ZNF594: variants seen among roughly 807,000 people sequenced by gnomAD.
ZNF594 encodes zinc finger protein 594, also known as zinc finger protein HZF18.
For synonymous variants in ZNF594, 336 were observed against 309.4 expected (o/e 1.09, Z -0.90); for missense variants, 1,037 against 964.6 (o/e 1.08, Z -0.99).
At position 5,182,325 on chromosome 17, in the gene ZNF594, A is replaced by T; in HGVS notation, c.1932T>A (p.Arg644=). Residue 644 remains arginine, a synonymous_variant, in exon 2 of 2, where the codon CGT becomes CGA. Transcript: ENST00000575779. ...RGSSDLIKHH[R]IHTGEKPYEC... is the part of the protein sequence containing the mutation. ...CATAGGGTTTCTCTCCAGTATGAAT[A>T]CGATGGTGTTTAATAAGATCTGAGC... is the stretch of plus-strand genomic sequence containing the variant. The T allele has an allele frequency of 3.1e-6, 5 of 1,613,128 alleles. No homozygotes were observed. Among genetic ancestry groups the T allele is most frequent in the Non-Finnish European group, 4.2e-6 (5 of 1,179,860 alleles).
In ZNF594 at chr17:5,184,026, A is replaced by C; in HGVS notation, c.231T>G (p.Ile77Met). 6.2e-7 allele frequency: 1 copy of C among 1,614,144 alleles called. No individual in the cohort carries two copies. The highest frequency in any genetic ancestry group is 8.5e-7 in the Non-Finnish European group (1 of 1,180,018). The change falls in exon 2 of 2, where the codon ATT becomes ATG. Residue 77 changes from isoleucine (I) to methionine (M), a missense_variant. Ile to Met is a conservative substitution (Grantham distance 10, BLOSUM62 1). Transcript: ENST00000575779. ...REMHIIPQKA[I>M]VGEIGHGCNE... ...TACATCCATGGCCAATCTCTCCCACAATGGCTTTCTGGGGGATAATATGCA... is the reference window on the plus strand; with the variant it reads ...TACATCCATGGCCAATCTCTCCCACCATGGCTTTCTGGGGGATAATATGCA...
At position 5,181,566 on chromosome 17, in the gene ZNF594, T is replaced by C. The variant is rs1482020604; in HGVS notation, c.*267A>G. ...ACATTCCTTACATTCATAGGGTTTC[T>C]CACCACTATGAATTCTCCGACGTTG... On this transcript the variant is annotated 3_prime_UTR_variant, in exon 2 of 2. Coordinates refer to ENST00000575779, the MANE Select transcript of ZNF594 (RefSeq NM_032530.2). The C allele has an allele frequency of 1.6e-5, 26 of 1,613,708 alleles. No homozygotes were observed. Among genetic ancestry groups the C allele is most frequent in the Non-Finnish European group, 2.2e-5 (26 of 1,179,744 alleles).
intron 1 of ZNF594, among the ~76,000 whole-genome samples, chr17:5,190,369 G>GA (rs1464265520): frequency 1.3e-5 from 2 of 151,558 alleles, no homozygotes; most frequent in African/African-American, 4.8e-5. Flanking sequence ...TCTGTCTTAA[G>GA]AAAAAAAAGG....
At position 5,182,510 on chromosome 17, in the gene ZNF594, G is replaced by A; in HGVS notation, c.1747C>T (p.Leu583Phe). The A allele has an allele frequency of 2.5e-6, 4 of 1,614,010 alleles. No individual in the cohort carries two copies. The highest frequency in any genetic ancestry group is 3.4e-6 in the Non-Finnish European group (4 of 1,180,006). ...GTATGAGTTACCTGATGTCTGATGA[G>A]GTCTGAGCTGCCCTGGAAAGCCCTA... ...CGRAFQGSSD[L>F]IRHQVTHTRE... Residue 583 changes from leucine to phenylalanine, a missense_variant, in exon 2 of 2, where the codon CTC becomes TTC. Coordinates refer to ENST00000575779, the MANE Select transcript of ZNF594 (RefSeq NM_032530.2).
In ZNF594 at chr17:5,184,216, T is replaced by C. The variant is rs1302735937; in HGVS notation, c.41A>G (p.Lys14Arg). The change falls in exon 2 of 2, where the codon AAG (lysine) becomes AGG (arginine). Residue 14 changes from lysine to arginine, a missense_variant. Lys to Arg is a conservative substitution (Grantham distance 26). Coordinates refer to ENST00000575779, the MANE Select transcript of ZNF594 (RefSeq NM_032530.2). Reference sequence around the variant, plus strand: ...TTCGGATGCAGCCCTTGCTGACTTCTTTTCTTCAGAAATTTCCATCTTTGA... The same window carrying C: ...TTCGGATGCAGCCCTTGCTGACTTCCTTTCTTCAGAAATTTCCATCTTTGA... ...WKSKMEISEE[K>R]KSARAASEKL... is the part of the protein sequence containing the mutation. 1 of 1,613,198 alleles carries C rather than the reference T, an allele frequency of 6.2e-7. No homozygotes were observed. Among genetic ancestry groups the C allele is most frequent in the Admixed American group, 1.7e-5 (1 of 59,796 alleles).
At chr17:5,190,476 G>C (rs2074414742) in intron 1 of ZNF594, among the ~76,000 whole-genome samples, 1 of 152,188 alleles carries the variant, frequency 6.6e-6, no homozygotes, top group African/African-American at 2.4e-5. Flanking sequence ...TTTAACTTAA[G>C]AAATGCCACT....
At position 5,181,944 on chromosome 17, in the gene ZNF594, C is replaced by T. The variant is rs772863436; in HGVS notation, c.2313G>A (p.Gln771=). Residue 771 remains glutamine, a synonymous_variant, in exon 2 of 2, where the codon CAG becomes CAA. Transcript: ENST00000575779. ...GATGTCTGATGAGATCTGAGCTGCCCTGGAAGGTCCTACTACACTGATTAC... is the reference window on the plus strand; with the variant it reads ...GATGTCTGATGAGATCTGAGCTGCCTTGGAAGGTCCTACTACACTGATTAC... ...YWCNQCSRTF[Q]GSSDLIRHQV... The T allele has an allele frequency of 8.7e-6, 14 of 1,613,722 alleles. No individual in the cohort carries two copies. In the South Asian group the frequency reaches 1.3e-4, roughly 15 times the overall value.
At chr17:5,176,658 G>A (rs1032466746), downstream of ZNF594, among the ~76,000 whole-genome samples, 2 of 151,848 alleles carry the variant, frequency 1.3e-5, no homozygotes, top group African/African-American at 4.8e-5. Flanking sequence ...GGTCAATGCG[G>A]CTGCAGACAC....
rs2074354200 is a variant in ZNF594, at chr17:5,182,730, A to G, written c.1527T>C (p.Ile509=). 6.2e-7 allele frequency: 1 copy of G among 1,613,626 alleles called. No homozygotes were observed. The highest frequency in any genetic ancestry group is 2.2e-5 in the East Asian group (1 of 44,816). The change falls in exon 2 of 2, where the codon ATT becomes ATC. Residue 509 remains isoleucine, a synonymous_variant. Coordinates refer to ENST00000575779, the MANE Select transcript of ZNF594 (RefSeq NM_032530.2). ...RRSLLIQHRR[I]HSGEKPYECK... ...ATTCATAGGGTTTCTCACCACTATG[A>G]ATTCTCCGATGTTGAATAAGGAGTG... is the stretch of plus-strand genomic sequence containing the variant.
chr17:5,177,135 G>T (rs1425862881), downstream of ZNF594, among the ~76,000 whole-genome samples: 3 of 151,238 alleles, frequency 2.0e-5, no homozygotes, highest in African/African-American at 7.3e-5. Flanking sequence ...GGCGGCGCTT[G>T]CAGTGAGCCG....
Position 5,185,244 on chromosome 17 carries a change from C to G in ZNF594, c.-20-968G>C, listed in dbSNP as rs1295964339. ...AGAAAAAGAGGTTTAGTTGGACTTA[C>G]AGTTCCACATGGCTGGGAAGGCCTC... On this transcript the variant is annotated intron_variant, in intron 1 of 1. Coordinates refer to ENST00000575779, the MANE Select transcript of ZNF594 (RefSeq NM_032530.2). 2.0e-5 allele frequency among the ~76,000 whole-genome samples: 3 copies of G among 152,166 alleles called. No homozygotes were observed. The East Asian group carries it at 5.8e-4, about 29-fold the overall frequency.
chr17:5,181,378 T>C lies in ZNF594; in HGVS notation c.*455A>G. Reference sequence around the variant, plus strand: ...AGGTCTGAGCTGCCCTGGAAAGCCCTACCACACTGATTACACCAATAAGCT... The same window carrying C: ...AGGTCTGAGCTGCCCTGGAAAGCCCCACCACACTGATTACACCAATAAGCT... On this transcript the variant is annotated 3_prime_UTR_variant, in exon 2 of 2. Coordinates refer to ENST00000575779, the MANE Select transcript of ZNF594 (RefSeq NM_032530.2). The C allele has an allele frequency of 6.2e-7, 1 of 1,613,082 alleles. No individual in the cohort carries two copies. The highest frequency in any genetic ancestry group is 8.5e-7 in the Non-Finnish European group (1 of 1,179,086).
chr17:5,188,380 G>A lies in ZNF594; in HGVS notation c.-21+3368C>T, dbSNP rs530425948. Among the ~76,000 whole-genome samples the A allele has an allele frequency of 2.4e-3, 362 of 151,548 alleles. 1 individual carries two copies. Among genetic ancestry groups the A allele is most frequent in the African/African-American group, 8.3e-3 (343 of 41,278 alleles). On this transcript the variant is annotated intron_variant, in intron 1 of 1. Coordinates refer to ENST00000575779, the MANE Select transcript of ZNF594 (RefSeq NM_032530.2). ...GGTATGCCTCTAGATTTGATGAGGCGTTTGTGGCAGCAAATCTGTATGAAG... is the reference window on the plus strand; with the variant it reads ...GGTATGCCTCTAGATTTGATGAGGCATTTGTGGCAGCAAATCTGTATGAAG...
chr17:5,176,395 C>CAAAAAAAAAAAAAAA (rs34510280), downstream of ZNF594, among the ~76,000 whole-genome samples: 1 of 85,622 alleles, frequency 1.2e-5, no homozygotes, highest in Non-Finnish European at 2.3e-5. Flanking sequence ...AACTCTGTCT[C>CAAAAAAAAAAAAAAA]AAAAAAAAAA....
At chr17:5,184,410 C>G in intron 1 of ZNF594, 134 bp from the exon 2 acceptor site, 2 of 898,942 alleles carry the variant, frequency 2.2e-6, no homozygotes, top group Non-Finnish European at 3.3e-6. Flanking sequence ...GTGGCTTTCA[C>G]TAGCGACACT....
intron 1 of ZNF594, among the ~76,000 whole-genome samples, chr17:5,188,959 G>GGATGGTCTCGATCTC (rs1397121381): frequency 3.3e-5 from 5 of 151,854 alleles, no homozygotes; most frequent in Non-Finnish European, 5.9e-5. Context: ...ACATTAGCCA[G>GGATGGTCTCGATCTC]GATGGTCTCG....
At position 5,180,322 on chromosome 17, in the gene ZNF594, T is replaced by G. The variant is rs2144234499; in HGVS notation, c.*1511A>C. The G allele has an allele frequency of 6.6e-6, 1 of 152,452 alleles. No homozygotes were observed. The highest frequency in any genetic ancestry group is 3.4e-3 in the Middle Eastern group (1 of 298). The allele number at this position is 152,452 out of a possible 1,614,324, so 9.4% of individuals were successfully genotyped here. ...TCGTGACCTCGTGATCTGCCCACCT[T>G]GGCTTCCCAAAGTGCTGGATTACAG... is the stretch of plus-strand genomic sequence containing the variant. On this transcript the variant is annotated 3_prime_UTR_variant, in exon 2 of 2. Coordinates refer to ENST00000575779, the MANE Select transcript of ZNF594 (RefSeq NM_032530.2).
At chr17:5,175,694 A>G (rs2074302629), downstream of ZNF594, among the ~76,000 whole-genome samples, 1 of 152,060 alleles carries the variant, frequency 6.6e-6, no homozygotes, top group Admixed American at 6.5e-5. Flanking sequence ...GGTGAAGAGA[A>G]GGAAAGCTTC....
In ZNF594 at chr17:5,183,241, A is replaced by G. The variant is rs755393844; in HGVS notation, c.1016T>C (p.Leu339Pro). ...GKTFSGRTAF[L>P]KHQRLHAGEK... ...TCCAGCATGCAATCTCTGATGTTTA[A>G]GAAAAGCTGTGCGCCCACTGAAGGT... The change falls in exon 2 of 2, where the codon CTT becomes CCT. Residue 339 changes from leucine to proline, a missense_variant. Physicochemically the swap from Leu to Pro is moderately conservative, Grantham distance 98. Transcript: ENST00000575779. The G allele has an allele frequency of 1.2e-6, 2 of 1,614,198 alleles. No homozygotes were observed. Among genetic ancestry groups the G allele is most frequent in the Admixed American group, 3.3e-5 (2 of 60,030 alleles).
Sources: allele counts gnomAD v4.1 joint callset (sites outside exome capture counted in the v4.1 genomes callset), GRCh38; gene constraint gnomAD v4.1.1; transcripts MANE v1.5; gene names NCBI Gene and HGNC (gene_info 2026-07-23, HGNC 2026-07-21).